The following ANO1 variants were observed in gnomAD, a reference collection of about 807,000 sequenced individuals.
The protein encoded by ANO1 is anoctamin-1.
A neutral mutation model predicts 124.0 loss-of-function variants in ANO1; 59 were observed. The observed-to-expected ratio is 0.48, with a 90% CI of 0.39 to 0.59. The LOEUF is 0.59. Among genes scored for constraint, ANO1 ranks in the 20% least tolerant of loss-of-function variants. The pLI, the probability that ANO1 is intolerant of heterozygous loss-of-function variation, is 0.00. For synonymous variants in ANO1, 529 were observed against 532.0 expected, an observed-to-expected ratio of 0.99 and a Z score of 0.08; for missense variants, 1,059 against 1,328.0, an observed-to-expected ratio of 0.80 and a Z score of 3.15.
At chr11:70,010,179 G>GTAGGTGTGTGTATATATATATATATATA (rs1856572809) in intron 1 of ANO1, among the ~76,000 whole-genome samples, 1 of 83,776 alleles carries the variant, frequency 1.2e-5, no homozygotes. Flanking sequence ...GTGTGTGTGT[G>GTAGGTGTGTGTATATATATATATATATA]TATATATATA....
intron 1 of ANO1, among the ~76,000 whole-genome samples, chr11:70,035,625 T>C (rs905101628): frequency 1.3e-5 from 2 of 151,812 alleles, no homozygotes; most frequent in Non-Finnish European, 2.9e-5. Flanking sequence ...ACCCATCAAC[T>C]CATCATCTAA....
At chr11:70,165,596 C>T (rs778568923) in intron 20 of ANO1, 26 bp downstream of exon 20, 9 of 1,587,382 alleles carry the variant, frequency 5.7e-6, no homozygotes, top group Non-Finnish European at 1.7e-6. Context: ...CGGGTTAGAG[C>T]GGCAGGGGCG....
chr11:69,986,318 C>A (rs1554996867), intron 1 of ANO1, among the ~76,000 whole-genome samples: 1 of 152,096 alleles, frequency 6.6e-6, no homozygotes, highest in Non-Finnish European at 1.5e-5. Context: ...GGACAGTCCT[C>A]CCCCCTCCGC....
chr11:70,007,902 C>T (rs1193250676), intron 1 of ANO1, among the ~76,000 whole-genome samples: 1 of 152,148 alleles, frequency 6.6e-6, no homozygotes, highest in Non-Finnish European at 1.5e-5. Flanking sequence ...CTCATCCAAA[C>T]GTGTTATTTT....
At chr11:70,106,933 TG>T (rs1244945892) in intron 5 of ANO1, among the ~76,000 whole-genome samples, 2 of 152,164 alleles carry the variant, frequency 1.3e-5, no homozygotes, top group Non-Finnish European at 2.9e-5. Flanking sequence ...CTGTGGGCGC[TG>T]GGGAGCCATA....
chr11:70,157,032 G>A lies in ANO1; in HGVS notation c.1578+11G>A. On this transcript the variant is annotated intron_variant, in intron 16 of 25. Coordinates refer to ENST00000355303, the MANE Select transcript of ANO1 (RefSeq NM_018043.7). ...TCCATCATCTTCATGGTAAGTTCCA[G>A]AAGGTTAAGGCCAGACGAAGTCAGG... 6.2e-7 allele frequency: 1 copy of A among 1,611,644 alleles called. No individual in the cohort carries two copies. The highest frequency in any genetic ancestry group is 2.2e-5 in the East Asian group (1 of 44,838).
chr11:69,972,539 A>G, the ANO1 span, among the ~76,000 whole-genome samples: 1 of 152,174 alleles, frequency 6.6e-6, no homozygotes, highest in South Asian at 2.1e-4. Context: ...TATAATTAAC[A>G]TGATATGTAT....
chr11:70,014,181 A>G (rs1555001535), intron 1 of ANO1, among the ~76,000 whole-genome samples: 2 of 151,944 alleles, frequency 1.3e-5, no homozygotes. Context: ...GGGAAGCACA[A>G]TTCACTCCTT....
At chr11:70,152,903 G>T (rs532299448) in intron 13 of ANO1, among the ~76,000 whole-genome samples, 154 bp from the exon 14 acceptor site, 1 of 152,260 alleles carries the variant, frequency 6.6e-6, no homozygotes, top group Non-Finnish European at 1.5e-5. Flanking sequence ...CACAGATGGG[G>T]TGATTACACT....
intron 5 of ANO1, 107 bp downstream of exon 5, chr11:70,105,895 TTGTC>T (rs2045515757): frequency 4.3e-6 from 5 of 1,170,942 alleles, no homozygotes; most frequent in Non-Finnish European, 6.2e-6. Flanking sequence ...CCGGCTCTAA[TTGTC>T]TGTGACAGAA....
At chr11:69,982,684 T>C (rs1476382121), upstream of ANO1, among the ~76,000 whole-genome samples, 1 of 152,166 alleles carries the variant, frequency 6.6e-6, no homozygotes, top group Non-Finnish European at 1.5e-5. Flanking sequence ...CTGACTCTGT[T>C]AGGCTGCAGA....
At chr11:70,000,164 T>C (rs1261199194) in intron 1 of ANO1, among the ~76,000 whole-genome samples, 2 of 152,122 alleles carry the variant, frequency 1.3e-5, no homozygotes, top group Non-Finnish European at 2.9e-5. Context: ...CTACCCAAAA[T>C]GAGCCCTTGG....
Position 70,121,033 on chromosome 11 carries a change from G to C in ANO1, c.898-3317G>C, listed in dbSNP as rs113996786. 2.5e-3 allele frequency among the ~76,000 whole-genome samples: 375 copies of C among 152,300 alleles called. 1 individual carries two copies. The highest frequency in any genetic ancestry group is 8.7e-3 in the African/African-American group (361 of 41,554). ...CTCTTGGCAGAAAGAAAAGTCCACC[G>C]AGGTCAAGCGGTATATGTAGAAAGC... is the stretch of plus-strand genomic sequence containing the variant. On this transcript the variant is annotated intron_variant, in intron 8 of 25. Transcript: ENST00000355303.
the ANO1 span, among the ~76,000 whole-genome samples, chr11:69,967,482 T>C: frequency 3.3e-5 from 5 of 152,366 alleles, no homozygotes; most frequent in East Asian, 1.9e-4. Context: ...CTCAGACTTC[T>C]TCTTCATGAG....
chr11:70,057,540 TG>T (rs1329999598), intron 1 of ANO1, among the ~76,000 whole-genome samples: 1 of 150,990 alleles, frequency 6.6e-6, no homozygotes, highest in African/African-American at 2.4e-5. Flanking sequence ...CAAAGGGAGA[TG>T]GGGTGGGGCA....
At chr11:70,042,176 C>T (rs527565529) in intron 1 of ANO1, among the ~76,000 whole-genome samples, 1 of 152,108 alleles carries the variant, frequency 6.6e-6, no homozygotes, top group Non-Finnish European at 1.5e-5. Context: ...TCTGTCCCTT[C>T]CCCAGCCTTA....
At chr11:70,124,665 T>A (rs1309527720) in intron 9 of ANO1, among the ~76,000 whole-genome samples, 2 of 152,214 alleles carry the variant, frequency 1.3e-5, no homozygotes, top group African/African-American at 4.8e-5. Context: ...CTAAATTCAC[T>A]GCCTGGCCTG....
intron 14 of ANO1, among the ~76,000 whole-genome samples, chr11:70,153,362 G>A (rs2047678652): frequency 6.6e-6 from 1 of 152,328 alleles, no homozygotes; most frequent in Middle Eastern, 3.4e-3. Context: ...ACAGACAGGG[G>A]GCCAGATTTG....
intron 1 of ANO1, among the ~76,000 whole-genome samples, chr11:69,999,552 C>T (rs1469205893): frequency 6.6e-6 from 1 of 152,194 alleles, no homozygotes; most frequent in African/African-American, 2.4e-5. Flanking sequence ...GTTCCGTGCT[C>T]ACCAGCAGCA....
Sources: gnomAD v4.1 joint callset for allele counts (sites outside exome capture counted in the v4.1 genomes callset) on GRCh38, gnomAD v4.1.1 for gene constraint, MANE v1.5 for transcripts, NCBI Gene and HGNC (gene_info 2026-07-23, HGNC 2026-07-21) for gene names.